NF1: variants seen among roughly 807,000 people sequenced by gnomAD.
NF1 encodes the protein neurofibromin.
In NF1, 122 loss-of-function variants were observed where a neutral mutation model predicts 325.7. The ratio of observed to expected loss-of-function variants is 0.37; its 90% CI spans 0.32 to 0.44. The LOEUF (loss-of-function observed/expected upper bound fraction) is 0.44, where lower values mean the gene tolerates loss of function less well. Ranked by LOEUF, NF1 falls within the 20% of genes least tolerant of loss-of-function variation. NF1 has a pLI of 1.00. For missense variants in NF1, 2,140 were observed against 3,415.4 expected, an observed-to-expected ratio of 0.63 and a Z score of 9.31; for synonymous variants, 1,091 against 1,186.0, an observed-to-expected ratio of 0.92 and a Z score of 1.65.
chr17:31,253,922 A>C (rs559240118), intron 31 of NF1: 1 of 152,110 alleles, frequency 6.6e-6, no homozygotes, highest in African/African-American at 2.4e-5. Context: ...TTTAGAATAC[A>C]GTGTTCATCT....
chr17:31,212,335 G>C (rs938679467), intron 12 of NF1, among the ~76,000 whole-genome samples: 1 of 152,122 alleles, frequency 6.6e-6, no homozygotes, highest in African/African-American at 2.4e-5. Context: ...CCTTCTTCTG[G>C]AATACCTACT....
intron 36 of NF1, among the ~76,000 whole-genome samples, chr17:31,271,386 A>G (rs2067892585): frequency 6.6e-6 from 1 of 152,142 alleles, no homozygotes; most frequent in Non-Finnish European, 1.5e-5. Flanking sequence ...GAAATATGTT[A>G]ATACAGATGA....
chr17:31,318,102 A>G, intron 36 of NF1: 1 of 562,010 alleles, frequency 1.8e-6, no homozygotes, highest in Non-Finnish European at 2.9e-6. Context: ...TTGCTTTTTA[A>G]AATATTCAGT....
At chr17:31,283,188 C>T (rs568704697) in intron 36 of NF1, among the ~76,000 whole-genome samples, 2 of 151,998 alleles carry the variant, frequency 1.3e-5, no homozygotes, top group African/African-American at 4.8e-5. Flanking sequence ...GAGGCCGAGG[C>T]GGGCGGATCA....
intron 36 of NF1, among the ~76,000 whole-genome samples, chr17:31,317,052 G>A (rs984346922): frequency 2.0e-5 from 3 of 152,102 alleles, no homozygotes; most frequent in Non-Finnish European, 2.9e-5. Context: ...TGCAGCCAGG[G>A]TAAGAATCAC....
rs543543885 is a variant in NF1 at position 31,229,986 on chromosome 17, A to G, written c.2990+12A>G. The G allele has an allele frequency of 1.2e-6, 2 of 1,611,668 alleles. No homozygotes were observed. Among genetic ancestry groups the G allele is most frequent in the Non-Finnish European group, 1.7e-6 (2 of 1,179,606 alleles). ...TTAAATCTGGTCAGGTAAGCATTCT[A>G]CTGAAATGTAGCAGAAACATTTTAA... On this transcript the variant is annotated intron_variant, in intron 22 of 57. Coordinates refer to ENST00000358273, the MANE Select transcript of NF1 (RefSeq NM_001042492.3).
chr17:31,252,467 AT>A, intron 30 of NF1: 1 of 200,146 alleles, frequency 5.0e-6, no homozygotes, highest in Non-Finnish European at 1.0e-5. Context: ...CAGTAGGATC[AT>A]AATTAAATGC....
chr17:31,163,947 A>G (rs2065805113), intron 4 of NF1, among the ~76,000 whole-genome samples: 1 of 152,244 alleles, frequency 6.6e-6, no homozygotes, highest in African/African-American at 2.4e-5. Context: ...GAATAATTGC[A>G]AAGTAGAATT....
At chr17:31,133,278 A>G (rs192099500) in intron 1 of NF1, 1 of 152,186 alleles carries the variant, frequency 6.6e-6, no homozygotes, top group African/African-American at 2.4e-5. Flanking sequence ...CCGTTAGTGT[A>G]ATGTCTTCAA....
At chr17:31,201,620 C>A (rs2066532730) in intron 11 of NF1, 135 bp downstream of exon 11, 1 of 687,030 alleles carries the variant, frequency 1.5e-6, no homozygotes, top group Non-Finnish European at 2.6e-6. Flanking sequence ...GAAAATTTCT[C>A]CATGGTGATT....
rs1471653606 is a variant in NF1 at position 31,233,123 on chromosome 17, GA to G, written c.3619del (p.Arg1207AspfsTer8). 6.2e-7 allele frequency: 1 copy of G among 1,614,184 alleles called. No homozygotes were observed. Among genetic ancestry groups the G allele is most frequent in the African/African-American group, 1.3e-5 (1 of 75,040 alleles). On this transcript the variant is annotated frameshift_variant, in exon 27 of 58. Coordinates refer to ENST00000358273, the MANE Select transcript of NF1 (RefSeq NM_001042492.3). LOFTEE classifies it high-confidence loss of function. Reference protein sequence around the residue: ...AETVLADRFERLVELVTMMGD... With the variant: ...AETVLADRFEXLVELVTMMGD... ...AAACAGTATTGGCTGATCGGTTTGA[GA>G]GATTGGTGGAACTGGTCACAATGAT... is the stretch of plus-strand genomic sequence containing the variant.
intron 5 of NF1, among the ~76,000 whole-genome samples, chr17:31,179,644 A>G (rs2066088672): frequency 6.6e-6 from 1 of 152,122 alleles, no homozygotes; most frequent in Non-Finnish European, 1.5e-5. Flanking sequence ...TTAGCCGGGC[A>G]TGGTGGCAGG....
intron 8 of NF1, among the ~76,000 whole-genome samples, chr17:31,193,099 T>C (rs1280949457): frequency 6.6e-6 from 1 of 152,212 alleles, no homozygotes; most frequent in Non-Finnish European, 1.5e-5. Flanking sequence ...GATAGACAGA[T>C]AGGTATATAG....
intron 1 of NF1, among the ~76,000 whole-genome samples, chr17:31,102,282 G>C (rs981558853): frequency 6.6e-6 from 1 of 152,162 alleles, no homozygotes; most frequent in Non-Finnish European, 1.5e-5. Flanking sequence ...GATAGAATAT[G>C]AATGTGAAGC....
Position 31,377,302 on chromosome 17 carries a change from T to C in NF1, c.*3147T>C, listed in dbSNP as rs969054979. The C allele has an allele frequency of 8.6e-6, 2 of 233,404 alleles. No individual in the cohort carries two copies. The highest frequency in any genetic ancestry group is 1.7e-5 in the Non-Finnish European group (2 of 117,956). The allele number at this position is 233,404 out of a possible 1,614,324, so 14.5% of individuals were successfully genotyped here. A position where few individuals can be genotyped will look rare whatever the true frequency, so the allele number is the denominator to read the frequency against. On this transcript the variant is annotated 3_prime_UTR_variant, in exon 58 of 58. Coordinates refer to ENST00000358273, the MANE Select transcript of NF1 (RefSeq NM_001042492.3). The stretch of plus-strand genomic sequence containing the variant: ...TTATTTTGCTTTTTTGTAAAGCAGT[T>C]AGTTGCTGCACATGGATAACAACAA...
intron 36 of NF1, among the ~76,000 whole-genome samples, chr17:31,287,659 A>C (rs1439463111): frequency 2.6e-5 from 4 of 151,998 alleles, no homozygotes; most frequent in Admixed American, 6.6e-5. Context: ...TCCTGGGCTC[A>C]AGCCATCCTC....
At chr17:31,139,358 C>A (rs1444695938) in intron 1 of NF1, among the ~76,000 whole-genome samples, 1 of 143,146 alleles carries the variant, frequency 7.0e-6, no homozygotes, top group Non-Finnish European at 1.5e-5. Context: ...ACTCTTAGAT[C>A]TTAAATGTTT....
In NF1 at chr17:31,200,547, T is replaced by C. The variant is rs2066508867; in HGVS notation, c.1014T>C (p.Asp338=). The change falls in exon 9 of 58, where the codon GAT becomes GAC. Residue 338 remains aspartate, a synonymous_variant. Transcript: ENST00000358273. ...CKASTYINWE[D]NSVIFLLVQS... ...CAAGTACTTACATCAATTGGGAAGA[T>C]AACTCTGTCATTTTCCTACTTGTTC... 1.2e-6 allele frequency: 2 copies of C among 1,614,190 alleles called. No individual in the cohort carries two copies. The highest frequency in any genetic ancestry group is 1.7e-5 in the Admixed American group (1 of 60,028).
chr17:31,123,803 C>G (rs1914635505), intron 1 of NF1, among the ~76,000 whole-genome samples: 1 of 152,158 alleles, frequency 6.6e-6, no homozygotes, highest in Non-Finnish European at 1.5e-5. Context: ...GAATAACATT[C>G]CTTTAAGCAA....
Sources: gnomAD v4.1 joint callset for allele counts (sites outside exome capture counted in the v4.1 genomes callset) on GRCh38, gnomAD v4.1.1 for gene constraint, MANE v1.5 for transcripts, NCBI Gene and HGNC (gene_info 2026-07-23, HGNC 2026-07-21) for gene names.